Variants in NRXN2 observed in about 807,000 individuals in gnomAD.
NRXN2 encodes the protein neurexin 2.
Under a neutral mutation model 128.8 loss-of-function variants are expected in NRXN2, and 29 were observed. The observed-to-expected ratio is 0.23, with a 90% confidence interval of 0.17 to 0.31. NRXN2 has a LOEUF of 0.31. Ranked by LOEUF, NRXN2 falls within the 10% of genes least tolerant of loss-of-function variation. NRXN2 has a pLI of 1.00. For missense variants in NRXN2, 1,881 were observed against 2,452.6 expected (o/e 0.77, Z 4.92); for synonymous variants, 1,098 against 1,075.2 (o/e 1.02, Z -0.41).
intron 22 of NRXN2, among the ~76,000 whole-genome samples, chr11:64,615,832 G>A (rs1166215760): frequency 1.9e-3 from 10 of 5,354 alleles, no homozygotes; most frequent in South Asian, 0.011. Context: ...GCCCAAGCGT[G>A]TGTGTGTGTG....
chr11:64,688,229 T>A (rs534926302), intron 5 of NRXN2: 3 of 938,086 alleles, frequency 3.2e-6, no homozygotes, highest in Non-Finnish European at 3.8e-6. Context: ...TCCAGTCTCC[T>A]GGGGTGGGTG....
chr11:64,620,510 T>C (rs2042168593), intron 21 of NRXN2, 138 bp from the exon 22 acceptor site: 1 of 708,310 alleles, frequency 1.4e-6, no homozygotes, highest in Non-Finnish European at 2.5e-6. Flanking sequence ...GTCCCAGCCC[T>C]CCCATCTCTT....
At position 64,645,989 on chromosome 11, in the gene NRXN2, G is replaced by A. The variant is rs867042746; in HGVS notation, c.3403+2230C>T. Among the ~76,000 whole-genome samples, 65 of 152,286 alleles carry A rather than the reference G, an allele frequency of 4.3e-4. 1 individual carries two copies. The highest frequency in any genetic ancestry group is 3.4e-3 in the Middle Eastern group (1 of 294). On this transcript the variant is annotated intron_variant, in intron 17 of 22. Transcript: ENST00000265459. ...GTACATCACAGGGCCCCAAGAAGAC[G>A]TGCCATAGAAACAGAGCATGAAAAA...
At chr11:64,716,972 C>T (rs997808156) in intron 1 of NRXN2, among the ~76,000 whole-genome samples, 3 of 152,048 alleles carry the variant, frequency 2.0e-5, no homozygotes, top group Admixed American at 1.3e-4. Flanking sequence ...AAGGCTGCTG[C>T]CGACCCAGCC....
chr11:64,634,509 G>C (rs1165667508), intron 18 of NRXN2, among the ~76,000 whole-genome samples: 1 of 152,138 alleles, frequency 6.6e-6, no homozygotes, highest in Non-Finnish European at 1.5e-5. Context: ...CTGCAGATAT[G>C]GTAGGAGGCC....
chr11:64,622,722 C>T lies in NRXN2; in HGVS notation c.4173+31G>A, dbSNP rs2042546286. 6.3e-7 allele frequency: 1 copy of T among 1,595,916 alleles called. No homozygotes were observed. The highest frequency in any genetic ancestry group is 2.2e-5 in the East Asian group (1 of 44,600). Reference sequence around the variant, plus strand: ...TCAACCCCATCCCCACCTATCCCTGCCCTAATCCACCAGCCAGAGTGGGGC... The same window carrying T: ...TCAACCCCATCCCCACCTATCCCTGTCCTAATCCACCAGCCAGAGTGGGGC... On this transcript the variant is annotated intron_variant, in intron 21 of 22. Transcript: ENST00000265459. This position sits in a 1 kb window ranked among gnomAD's most constrained non-coding sequence, Gnocchi z 4.3.
At chr11:64,615,811 G>A (rs1276463984) in intron 22 of NRXN2, among the ~76,000 whole-genome samples, 1 of 150,936 alleles carries the variant, frequency 6.6e-6, no homozygotes, top group Non-Finnish European at 1.5e-5. Context: ...CACCTGTGTG[G>A]GCTAATGTAG....
intron 6 of NRXN2, among the ~76,000 whole-genome samples, chr11:64,678,345 C>T (rs556054688): frequency 4.4e-4 from 67 of 152,162 alleles, no homozygotes; most frequent in African/African-American, 1.6e-3. Context: ...CACCCCAACC[C>T]CATTCTCTCA....
At chr11:64,701,745 GAAAT>G (rs2055395071) in intron 2 of NRXN2, among the ~76,000 whole-genome samples, 1 of 152,322 alleles carries the variant, frequency 6.6e-6, no homozygotes, top group South Asian at 2.1e-4. Flanking sequence ...CTAAAAAAAA[GAAAT>G]AAATAAGCCC....
intron 7 of NRXN2, among the ~76,000 whole-genome samples, chr11:64,674,315 C>T (rs1459539184): frequency 1.3e-5 from 2 of 152,076 alleles, no homozygotes; most frequent in African/African-American, 4.8e-5. Flanking sequence ...CTTAGCCTCC[C>T]GAGTAGCTGG....
Position 64,635,168 on chromosome 11 carries a change from C to T in NRXN2, c.3585+103G>A. 7.4e-7 allele frequency: 1 copy of T among 1,342,520 alleles called. No individual in the cohort carries two copies. The highest frequency in any genetic ancestry group is 1.7e-5 in the Admixed American group (1 of 58,352). The allele number at this position is 1,342,520 out of a possible 1,614,324, so 83.2% of individuals were successfully genotyped here. A position where few individuals can be genotyped will look rare whatever the true frequency, so the allele number is the denominator to read the frequency against. The stretch of plus-strand genomic sequence containing the variant: ...AGGGAACAGAGGTTCTGAGGGTTCC[C>T]CATGAGGGAAGACTTGAGGTGCTGA... On this transcript the variant is annotated intron_variant, in intron 18 of 22. Transcript: ENST00000265459. This position sits in a 1 kb window ranked among gnomAD's most constrained non-coding sequence, Gnocchi z 4.8.
intron 9 of NRXN2, 45 bp from the exon 10 acceptor site, chr11:64,661,184 A>G (rs771410114): frequency 6.2e-7 from 1 of 1,611,828 alleles, no homozygotes; most frequent in Non-Finnish European, 8.5e-7. Flanking sequence ...CACAGGCCAG[A>G]AAGGGACATC....
intron 21 of NRXN2, 142 bp from the exon 22 acceptor site, chr11:64,620,514 ATC>A (rs1018959794): frequency 1.4e-6 from 1 of 701,480 alleles, no homozygotes; most frequent in African/African-American, 1.8e-5. Flanking sequence ...CAGCCCTCCC[ATC>A]TCTTGCTGGC....
chr11:64,690,543 G>T (rs1227462577), intron 4 of NRXN2, 67 bp from the exon 5 acceptor site: 4 of 1,382,124 alleles, frequency 2.9e-6, no homozygotes, highest in Admixed American at 1.8e-5. Context: ...AGCCTTGAGG[G>T]GATGAAGGGC....
At position 64,608,033 on chromosome 11, in the gene NRXN2, AG is replaced by A. The variant is rs1321754354; in HGVS notation, c.4301del (p.Pro1434LeufsTer132). On this transcript the variant is annotated frameshift_variant, in exon 23 of 23. Transcript: ENST00000265459. LOFTEE classifies it low-confidence loss of function (END_TRUNC). ...CGAAGGGGGATCGGGTGGCCACGGG[AG>A]GGGGGTCTAAGGAGTCCTCCGTGAT... is the stretch of plus-strand genomic sequence containing the variant. ...PIITEDSLDPPPVATRSPFVP... is the reference protein window; with the variant it reads ...PIITEDSLDPXPVATRSPFVP... The A allele has an allele frequency of 6.4e-7, 1 of 1,565,680 alleles. No homozygotes were observed. The highest frequency in any genetic ancestry group is 8.6e-7 in the Non-Finnish European group (1 of 1,160,806).
At chr11:64,608,856 C>T (rs938557994) in intron 22 of NRXN2, among the ~76,000 whole-genome samples, 1 of 151,924 alleles carries the variant, frequency 6.6e-6, no homozygotes, top group Non-Finnish European at 1.5e-5. Context: ...GTCAGCATGT[C>T]GGGGAGGGAG....
intron 7 of NRXN2, 196 bp downstream of exon 7, chr11:64,676,797 A>G: frequency 1.6e-6 from 1 of 621,038 alleles, no homozygotes; most frequent in East Asian, 2.7e-5. Flanking sequence ...TTCAGTTTGG[A>G]CCAAAAAAGA....
chr11:64,623,104 G>A lies in NRXN2; in HGVS notation c.3848-26C>T, dbSNP rs758754705. 3 of 1,583,238 alleles carry A rather than the reference G, an allele frequency of 1.9e-6. No individual in the cohort carries two copies. Among genetic ancestry groups the A allele is most frequent in the Non-Finnish European group, 2.6e-6 (3 of 1,163,044 alleles). The stretch of plus-strand genomic sequence containing the variant: ...CTTGCAGGAGTGGAAGGGGGTGACA[G>A]AGAAGGGGCAGGCAGTGAGGGGAGA... On this transcript the variant is annotated intron_variant, in intron 20 of 22. Transcript: ENST00000265459. This position sits in a 1 kb window ranked among gnomAD's most constrained non-coding sequence, Gnocchi z 4.9.
At chr11:64,615,741 T>C (rs1200643655) in intron 22 of NRXN2, among the ~76,000 whole-genome samples, 1 of 152,218 alleles carries the variant, frequency 6.6e-6, no homozygotes, top group Non-Finnish European at 1.5e-5. Context: ...AGTCTGAGGA[T>C]ATGTGTGTGC....
Sources: allele counts gnomAD v4.1 joint callset (sites outside exome capture counted in the v4.1 genomes callset), GRCh38; gene constraint gnomAD v4.1.1; non-coding constraint Gnocchi (gnomAD v3.1); transcripts MANE v1.5; gene names NCBI Gene and HGNC (gene_info 2026-07-23, HGNC 2026-07-21).